Variants in MOV10L1 observed in about 807,000 individuals in gnomAD.
The protein encoded by MOV10L1 is Mov10 like RNA helicase 1.
A neutral mutation model predicts 143.8 loss-of-function variants in MOV10L1; 110 were observed. That is an observed-to-expected ratio of 0.76 (90% CI 0.66 to 0.90). The LOEUF (loss-of-function observed/expected upper bound fraction) is 0.90, where lower values mean the gene tolerates loss of function less well. MOV10L1 is among the 40% of genes least tolerant of loss of function. The probability of loss-of-function intolerance (pLI) is 0.00; values close to 1 mark genes in which losing one functional copy is unlikely to be tolerated. For missense variants in MOV10L1, 1,406 were observed against 1,526.8 expected, an observed-to-expected ratio of 0.92 and a Z score of 1.32; for synonymous variants, 593 against 581.1, an observed-to-expected ratio of 1.02 and a Z score of -0.29.
chr22:50,137,167 C>G (rs9617099), intron 15 of MOV10L1, among the ~76,000 whole-genome samples: 1 of 151,850 alleles, frequency 6.6e-6, no homozygotes, highest in Non-Finnish European at 1.5e-5. Context: ...AAAACGTAAC[C>G]CAAAAGGAGA....
intron 18 of MOV10L1, 137 bp downstream of exon 18, chr22:50,144,380 C>T (rs528621530): frequency 7.4e-6 from 8 of 1,078,354 alleles, no homozygotes; most frequent in African/African-American, 1.6e-5. Context: ...AGAAATGGCT[C>T]TGCCATGGGC....
chr22:50,129,825 A>G (rs2062620767), intron 13 of MOV10L1, among the ~76,000 whole-genome samples: 1 of 152,144 alleles, frequency 6.6e-6, no homozygotes, highest in Non-Finnish European at 1.5e-5. Context: ...GGGCCGTAAA[A>G]TGTTCCTCTT....
rs931811825 is a variant in MOV10L1, at chr22:50,108,145, C to T, written c.452C>T (p.Pro151Leu). ...TTCCTGGCGGTTTTAGGCTTCGAGC[C>T]CTGCAAGGGAGACTGGGTGGAGGCT... ...SLESVCEGFE[P>L]CKGDWVEAEY... The change falls in exon 4 of 27, where the codon CCC becomes CTC. Residue 151 changes from proline to leucine, a missense_variant. Pro to Leu is a moderately conservative substitution (Grantham distance 98). Around this residue, in one of 3 missense-constraint regions of MOV10L1, gnomAD observed 1,233 missense variants for 1,351.4 expected, o/e 0.91. Coordinates refer to ENST00000262794, the MANE Select transcript of MOV10L1 (RefSeq NM_018995.3). 1 of 1,613,486 alleles carries T rather than the reference C, an allele frequency of 6.2e-7. No homozygotes were observed. Among genetic ancestry groups the T allele is most frequent in the African/African-American group, 1.3e-5 (1 of 74,892 alleles).
At chr22:50,151,645 C>T (rs963976227) in intron 21 of MOV10L1, among the ~76,000 whole-genome samples, 1 of 152,212 alleles carries the variant, frequency 6.6e-6, no homozygotes, top group Non-Finnish European at 1.5e-5. Context: ...AGCTGCTGGG[C>T]CCAGAGGGCG....
chr22:50,137,513 C>T (rs2062852722), intron 15 of MOV10L1, among the ~76,000 whole-genome samples: 2 of 151,724 alleles, frequency 1.3e-5, no homozygotes, highest in African/African-American at 4.8e-5. Context: ...TGCACTCCAG[C>T]GTGGGCAATA....
At chr22:50,101,325 C>T (rs1033908495) in intron 3 of MOV10L1, among the ~76,000 whole-genome samples, 1 of 152,206 alleles carries the variant, frequency 6.6e-6, no homozygotes. Flanking sequence ...ATGCCATTCT[C>T]CTGCCTCAGC....
intron 8 of MOV10L1, among the ~76,000 whole-genome samples, chr22:50,116,660 CTTT>C (rs397867977): frequency 0.2 from 20,362 of 102,964 alleles, 935 homozygotes; most frequent in Non-Finnish European, 0.25. Context: ...TAGATGCTTA[CTTT>C]TTTTTTTTTT....
intron 19 of MOV10L1, among the ~76,000 whole-genome samples, chr22:50,148,663 C>CTT (rs66866727): frequency 2.9e-4 from 41 of 140,006 alleles, no homozygotes; most frequent in African/African-American, 1.0e-3. Flanking sequence ...TTCTTTTTTT[C>CTT]TTTTTTTTTT....
chr22:50,106,325 C>CTTTTTTT (rs1165257394), intron 3 of MOV10L1, among the ~76,000 whole-genome samples: 14 of 94,544 alleles, frequency 1.5e-4, no homozygotes, highest in Non-Finnish European at 2.4e-4. Flanking sequence ...CCAACTAATT[C>CTTTTTTT]TTTTTTTTTT....
chr22:50,114,326 A>C (rs955880570), intron 6 of MOV10L1, 55 bp from the exon 7 acceptor site: 14 of 1,583,656 alleles, frequency 8.8e-6, no homozygotes, highest in Non-Finnish European at 1.2e-5. Context: ...ATGATAACTG[A>C]ATATTTTGGT....
intron 15 of MOV10L1, among the ~76,000 whole-genome samples, chr22:50,135,750 C>CAA (rs1242001364): frequency 5.3e-5 from 3 of 56,468 alleles, no homozygotes; most frequent in Non-Finnish European, 7.2e-5. Flanking sequence ...GACTCCATCT[C>CAA]AAAAAAAAAA....
Position 50,108,839 on chromosome 22 carries a change from G to A in MOV10L1, c.738G>A (p.Lys246=). ...GGGCACTTTGTATGACCCTAGTGAA[G>A]AGGCGGTAAGAAAATGCTTTTCTGG... The part of the protein sequence containing the change: ...VWRALCMTLV[K]RRDAAPVHEA... The change falls in exon 5 of 27, where the codon AAG becomes AAA. Residue 246 remains lysine (K), a synonymous_variant. Transcript: ENST00000262794. 1 of 1,613,904 alleles carries A rather than the reference G, an allele frequency of 6.2e-7. No individual in the cohort carries two copies.
At position 50,158,449 on chromosome 22, in the gene MOV10L1, G is replaced by T. The variant is rs1340847533; in HGVS notation, c.3216+243G>T. The stretch of plus-strand genomic sequence containing the variant: ...TCGAACAGTTTTTACATTTCTAAAT[G>T]GTTACATTTATATGTCCCTTGATAT... On this transcript the variant is annotated intron_variant, in intron 23 of 26. Coordinates refer to ENST00000262794, the MANE Select transcript of MOV10L1 (RefSeq NM_018995.3). This position sits in a 1 kb window ranked among gnomAD's most constrained non-coding sequence, Gnocchi z 5.0. 5.8e-6 allele frequency: 3 copies of T among 517,022 alleles called. No homozygotes were observed. The highest frequency in any genetic ancestry group is 1.0e-5 in the Non-Finnish European group (3 of 293,818). The allele number at this position is 517,022 out of a possible 1,614,324, so 32.0% of individuals were successfully genotyped here.
chr22:50,140,751 C>A (rs917882712), intron 15 of MOV10L1, among the ~76,000 whole-genome samples: 3 of 149,834 alleles, frequency 2.0e-5, no homozygotes, highest in Admixed American at 1.4e-4. Flanking sequence ...GAGACAGAGT[C>A]TTCCTCTGTC....
chr22:50,150,725 C>CTG lies in MOV10L1; in HGVS notation c.2728-5_2728-4dup, dbSNP rs767075123. 2.5e-5 allele frequency: 40 copies of CTG among 1,613,146 alleles called. 3 individuals carry two copies. In the Middle Eastern group the frequency reaches 5.0e-3, roughly 203 times the overall value. ...CCCTGCATGAGCTGAGACGGGCCCT[C>CTG]TGTGTGCAGATCGTGCTGGCAGGAG... On this transcript the variant is annotated splice_polypyrimidine_tract_variant and intron_variant, in intron 20 of 26. Transcript: ENST00000262794.
At chr22:50,131,383 CA>C in intron 13 of MOV10L1, among the ~76,000 whole-genome samples, 1 of 152,208 alleles carries the variant, frequency 6.6e-6, no homozygotes, top group Non-Finnish European at 1.5e-5. Context: ...AATATTTCCT[CA>C]GACTACAGCT....
chr22:50,109,766 T>G, intron 5 of MOV10L1: 1 of 164,594 alleles, frequency 6.1e-6, no homozygotes, highest in South Asian at 1.3e-4. Context: ...TGCTTGAGCC[T>G]AGGAGCTTGA....
intron 21 of MOV10L1, 45 bp downstream of exon 21, chr22:50,150,944 C>T (rs1298563460): frequency 6.2e-7 from 1 of 1,610,706 alleles, no homozygotes; most frequent in African/African-American, 1.3e-5. Flanking sequence ...GCTAAGCAGA[C>T]ACAGGCTCCA....
Position 50,145,830 on chromosome 22 carries a change from C to G in MOV10L1, c.2627+20C>G, listed in dbSNP as rs373165843. ...AGTGAGGTGAGCCCCGGGCATGGAG[C>G]GCGGCATGGGGCCTCCCAGGGCAGA... On this transcript the variant is annotated intron_variant, in intron 19 of 26. Transcript: ENST00000262794. 8.7e-6 allele frequency: 14 copies of G among 1,612,534 alleles called. No homozygotes were observed. Among genetic ancestry groups the G allele is most frequent in the African/African-American group, 1.3e-5 (1 of 74,904 alleles).
Sources: allele counts gnomAD v4.1 joint callset (sites outside exome capture counted in the v4.1 genomes callset), GRCh38; gene constraint gnomAD v4.1.1; regional missense constraint gnomAD v4.1.1; non-coding constraint Gnocchi (gnomAD v3.1); transcripts MANE v1.5; gene names NCBI Gene and HGNC (gene_info 2026-07-23, HGNC 2026-07-21).